The following SYNPO variants were observed in gnomAD, a reference collection of about 807,000 sequenced individuals.
The protein encoded by SYNPO is synaptopodin.
Under a neutral mutation model 49.5 loss-of-function variants are expected in SYNPO, and 19 were observed. The observed-to-expected ratio is 0.38, with a 90% CI of 0.27 to 0.56. SYNPO has a LOEUF of 0.56. Ranked by LOEUF, SYNPO falls within the 20% of genes least tolerant of loss-of-function variation. SYNPO has a pLI of 0.68. For synonymous variants in SYNPO, 536 were observed against 548.0 expected (o/e 0.98, Z 0.31); for missense variants, 1,131 against 1,248.3 (o/e 0.91, Z 1.42).
chr5:150,592,672 A>G, the SYNPO span, among the ~76,000 whole-genome samples: 1 of 152,204 alleles, frequency 6.6e-6, no homozygotes, highest in Admixed American at 6.5e-5. Context: ...CCTTCCTCCC[A>G]TTGAGCCATA....
chr5:150,632,101 GC>G (rs1757560959), intron 2 of SYNPO, among the ~76,000 whole-genome samples: 1 of 152,122 alleles, frequency 6.6e-6, no homozygotes, highest in Non-Finnish European at 1.5e-5. Flanking sequence ...GCCCAGCTCT[GC>G]TGTACGCTCT....
Position 150,657,591 on chromosome 5 carries a change from AGC to A in SYNPO, c.*506_*507del, listed in dbSNP as rs1307329481. The A allele has an allele frequency of 1.9e-5, 3 of 156,820 alleles. No individual in the cohort carries two copies. Among genetic ancestry groups the A allele is most frequent in the Admixed American group, 6.2e-5 (1 of 16,058 alleles). The allele number at this position is 156,820 out of a possible 1,614,324, so 9.7% of individuals were successfully genotyped here. A position where few individuals can be genotyped will look rare whatever the true frequency, so the allele number is the denominator to read the frequency against. On this transcript the variant is annotated 3_prime_UTR_variant, in exon 3 of 3. Transcript: ENST00000307662. ...TGGCTCTGCTGTCTGGAGTCTGGCA[AGC>A]GGGGTGTGTTCAGAAGGTCCTAGGC...
At chr5:150,609,887 G>A (rs974703036) in intron 1 of SYNPO, among the ~76,000 whole-genome samples, 8 of 151,980 alleles carry the variant, frequency 5.3e-5, no homozygotes, top group African/African-American at 1.9e-4. Context: ...CTCCCCATCT[G>A]AGCCCCCATT....
intron 1 of SYNPO, among the ~76,000 whole-genome samples, chr5:150,603,043 G>T (rs1052629922): frequency 1.0e-5 from 1 of 95,792 alleles, no homozygotes; most frequent in African/African-American, 4.3e-5. Context: ...TGTGTGTGTG[G>T]TGTATGCTGT....
chr5:150,647,887 G>A, intron 1 of SYNPO, 57 bp from the exon 2 acceptor site: 1 of 1,479,948 alleles, frequency 6.8e-7, no homozygotes. Context: ...GTTTGTCCGT[G>A]CACCCCTGTG....
In SYNPO at chr5:150,648,833, T is replaced by C. The variant is rs1758220596; in HGVS notation, c.558T>C (p.Asp186=). The C allele has an allele frequency of 5.0e-6, 8 of 1,613,960 alleles. No individual in the cohort carries two copies. The highest frequency in any genetic ancestry group is 1.3e-5 in the African/African-American group (1 of 74,886). Residue 186 remains aspartate, a synonymous_variant, in exon 2 of 3, where the codon GAT becomes GAC. Coordinates refer to ENST00000307662, the MANE Select transcript of SYNPO (RefSeq NM_007286.6). This position sits in a 1 kb window ranked among gnomAD's most constrained non-coding sequence, Gnocchi z 5.0. Reference sequence around the variant, plus strand: ...CCAGCTCCAGGCCCCCAGCCTCAGATTTCATGTCCAGCTCCCTGCTCATTG... The same window carrying C: ...CCAGCTCCAGGCCCCCAGCCTCAGACTTCATGTCCAGCTCCCTGCTCATTG... The part of the protein sequence containing the change: ...LIPSSRPPAS[D]FMSSSLLIDI...
chr5:150,589,939 A>C, the SYNPO span, among the ~76,000 whole-genome samples: 4 of 152,290 alleles, frequency 2.6e-5, no homozygotes, highest in Non-Finnish European at 4.4e-5. Flanking sequence ...CCAGTCATGC[A>C]AGGACCCACA....
chr5:150,650,134 C>T lies in SYNPO; in HGVS notation c.1859C>T (p.Ser620Leu), dbSNP rs1316340467. The part of the protein sequence containing the change: ...SPALPRPSRS[S>L]PGLYTSPGQD... ...GCCCTGCCTCGGCCCTCGCGCTCCT[C>T]ACCGGGCCTCTACACCTCCCCCGGC... The change falls in exon 2 of 3, where the codon TCA (serine) becomes TTA (leucine). Residue 620 changes from serine to leucine, a missense_variant. Around this residue, in one of 4 missense-constraint regions of SYNPO, gnomAD observed 509 missense variants for 484.5 expected, o/e 1.05. Coordinates refer to ENST00000307662, the MANE Select transcript of SYNPO (RefSeq NM_007286.6). 3 of 1,613,776 alleles carry T rather than the reference C, an allele frequency of 1.9e-6. No homozygotes were observed. Among genetic ancestry groups the T allele is most frequent in the Non-Finnish European group, 8.5e-7 (1 of 1,179,954 alleles).
chr5:150,636,791 A>C (rs1757729997), upstream of SYNPO, among the ~76,000 whole-genome samples: 6 of 103,636 alleles, frequency 5.8e-5, no homozygotes, highest in South Asian at 7.2e-4. Context: ...TGCAGAGAGA[A>C]CGCGGGGTGG....
At position 150,649,303 on chromosome 5, in the gene SYNPO, T is replaced by G; in HGVS notation, c.1028T>G (p.Leu343Arg). ...AGGTCTCCTCCCTCATATTCTGTCC[T>G]GTATCCCAGCTCCGACCCCAAGTCT... is the stretch of plus-strand genomic sequence containing the variant. ...WVRSPPSYSV[L>R]YPSSDPKSSH... The change falls in exon 2 of 3, where the codon CTG (leucine) becomes CGG (arginine). Residue 343 changes from leucine to arginine, a missense_variant. Leu to Arg is a moderately radical substitution (Grantham distance 102). Around this residue, in one of 4 missense-constraint regions of SYNPO, gnomAD observed 602 missense variants for 720.7 expected, o/e 0.84. Transcript: ENST00000307662. 1 of 1,614,228 alleles carries G rather than the reference T, an allele frequency of 6.2e-7. No homozygotes were observed. Among genetic ancestry groups the G allele is most frequent in the Non-Finnish European group, 8.5e-7 (1 of 1,180,034 alleles).
At chr5:150,643,357 G>A (rs1351119) in intron 1 of SYNPO, among the ~76,000 whole-genome samples, 45,493 of 152,042 alleles carry the variant, frequency 0.3, 7,040 homozygotes, top group East Asian at 0.38. Context: ...TAAATAATAT[G>A]AGTAAAGTCT....
At chr5:150,606,243 G>A (rs1383532596) in intron 1 of SYNPO, among the ~76,000 whole-genome samples, 4 of 152,214 alleles carry the variant, frequency 2.6e-5, no homozygotes, top group Non-Finnish European at 4.4e-5. Context: ...CAGATGCTGG[G>A]ATGGCGTGTT....
rs185192085 is a variant in SYNPO, at chr5:150,645,462, C to T, written c.-332-2482C>T. Among the ~76,000 whole-genome samples, 921 of 152,290 alleles carry T rather than the reference C, an allele frequency of 6.0e-3. 3 individuals are homozygous for T. The highest frequency in any genetic ancestry group is 0.011 in the Non-Finnish European group (726 of 68,020). ...ATGCAGCATTTGTTCATTTATTATT[C>T]AACAATTATAAATTGAGCATCAACT... On this transcript the variant is annotated intron_variant, in intron 1 of 2. Transcript: ENST00000307662.
upstream of SYNPO, among the ~76,000 whole-genome samples, chr5:150,637,229 A>G (rs527294971): frequency 2.1e-3 from 316 of 152,202 alleles, 3 homozygotes; most frequent in Admixed American, 5.0e-3. Context: ...GGCAGGCTGA[A>G]TGGATTCGGG....
chr5:150,649,731 C>T lies in SYNPO; in HGVS notation c.1456C>T (p.Arg486Cys), dbSNP rs1581513766. The T allele has an allele frequency of 6.2e-7, 1 of 1,613,016 alleles. No individual in the cohort carries two copies. Among genetic ancestry groups the T allele is most frequent in the Non-Finnish European group, 8.5e-7 (1 of 1,180,010 alleles). ...TGGGAAGGGAGCTGAGCTCTACGCC[C>T]GCCGCCAGTCACGGATGGAGAAATA... ...ASGKGAELYARRQSRMEKYVI... is the reference protein window; with the variant it reads ...ASGKGAELYACRQSRMEKYVI... Residue 486 changes from arginine to cysteine, a missense_variant, in exon 2 of 3, where the codon CGC becomes TGC. Physicochemically the swap from Arg to Cys is radical, Grantham distance 180 (BLOSUM62 -3). Coordinates refer to ENST00000307662, the MANE Select transcript of SYNPO (RefSeq NM_007286.6).
the SYNPO span, among the ~76,000 whole-genome samples, chr5:150,590,416 G>A: frequency 1.4e-4 from 22 of 152,236 alleles, no homozygotes; most frequent in Non-Finnish European, 2.4e-4. Flanking sequence ...GCTGCTCCAG[G>A]CCACACAGCA....
At chr5:150,651,591 G>A in intron 2 of SYNPO, 1 of 915,210 alleles carries the variant, frequency 1.1e-6, no homozygotes, top group Non-Finnish European at 1.3e-6. Flanking sequence ...GGATGCCTGG[G>A]CTGGGCTGGG....
At chr5:150,605,609 G>A (rs146731447) in intron 1 of SYNPO, among the ~76,000 whole-genome samples, 3 of 152,186 alleles carry the variant, frequency 2.0e-5, no homozygotes, top group Admixed American at 6.5e-5. Flanking sequence ...AAAGGGGACC[G>A]GAAAGGAGAG....
intron 1 of SYNPO, among the ~76,000 whole-genome samples, chr5:150,606,534 G>C (rs527333452): frequency 2.0e-5 from 3 of 152,238 alleles, no homozygotes; most frequent in Non-Finnish European, 4.4e-5. Flanking sequence ...GCCGGCTGCC[G>C]AACCATGCTG....
Sources: gnomAD v4.1 joint callset for allele counts (sites outside exome capture counted in the v4.1 genomes callset) on GRCh38, gnomAD v4.1.1 for gene constraint, gnomAD v4.1.1 regional missense constraint, Gnocchi (gnomAD v3.1) non-coding constraint, MANE v1.5 for transcripts, NCBI Gene and HGNC (gene_info 2026-07-23, HGNC 2026-07-21) for gene names.